ARHGEF26: variants seen among roughly 807,000 people sequenced by gnomAD.
The protein encoded by ARHGEF26 is Rho guanine nucleotide exchange factor (GEF) 26.
Under a neutral mutation model 89.4 loss-of-function variants are expected in ARHGEF26, and 59 were observed. That is an observed-to-expected ratio of 0.66 (90% confidence interval 0.54 to 0.82). ARHGEF26 has a LOEUF of 0.82. ARHGEF26 is among the 40% of genes least tolerant of loss of function. ARHGEF26 has a pLI of 0.00. For synonymous variants in ARHGEF26, 500 were observed against 428.4 expected (o/e 1.17, Z -2.06); for missense variants, 1,234 against 1,085.6 (o/e 1.14, Z -1.92).
Position 154,183,883 on chromosome 3 carries a change from A to T in ARHGEF26, c.1488-3802A>T, listed in dbSNP as rs181052387. On this transcript the variant is annotated intron_variant, in intron 6 of 14. Coordinates refer to ENST00000465093, the MANE Select transcript of ARHGEF26 (RefSeq NM_015595.4). ...ATTCCTTCAGGCTGGTAACAGTGTA[A>T]GCTAAAGACAAATTGTAAGAGCTAC... 3.7e-4 allele frequency among the ~76,000 whole-genome samples: 56 copies of T among 152,330 alleles called. 1 individual carries two copies. In the East Asian group the frequency reaches 9.2e-3, roughly 25 times the overall value.
chr3:154,217,140 C>T (rs1437694222), intron 9 of ARHGEF26, among the ~76,000 whole-genome samples: 8 of 151,696 alleles, frequency 5.3e-5, no homozygotes, highest in African/African-American at 1.9e-4. Context: ...AACTAGTTTA[C>T]AGTCCCACCA....
chr3:154,183,582 C>G (rs1477802516), intron 6 of ARHGEF26, among the ~76,000 whole-genome samples: 1 of 152,086 alleles, frequency 6.6e-6, no homozygotes, highest in African/African-American at 2.4e-5. Flanking sequence ...CTTTCTTGAT[C>G]TTTTTGTAGC....
At chr3:154,132,956 C>G (rs141900215) in intron 4 of ARHGEF26, among the ~76,000 whole-genome samples, 1 of 152,060 alleles carries the variant, frequency 6.6e-6, no homozygotes. Context: ...GGTCTCAGTT[C>G]GGCATATACC....
intron 6 of ARHGEF26, among the ~76,000 whole-genome samples, chr3:154,162,818 T>G (rs1314039657): frequency 6.6e-6 from 1 of 152,000 alleles, no homozygotes; most frequent in African/African-American, 2.4e-5. Context: ...AATAAGATGC[T>G]TGGGAAAGGA....
intron 4 of ARHGEF26, among the ~76,000 whole-genome samples, chr3:154,141,249 GC>G (rs907368213): frequency 6.6e-6 from 1 of 152,184 alleles, no homozygotes; most frequent in Non-Finnish European, 1.5e-5. Flanking sequence ...ATAGGTGAGA[GC>G]CACCGTGCCT....
chr3:154,166,302 G>A (rs1033436977), intron 6 of ARHGEF26, among the ~76,000 whole-genome samples: 10 of 152,212 alleles, frequency 6.6e-5, no homozygotes, highest in Admixed American at 3.3e-4. Flanking sequence ...CGCCCGCCTT[G>A]GCCTCCCAAA....
At chr3:154,132,195 T>C (rs1393317545) in intron 4 of ARHGEF26, among the ~76,000 whole-genome samples, 1 of 152,186 alleles carries the variant, frequency 6.6e-6, no homozygotes, top group Non-Finnish European at 1.5e-5. Flanking sequence ...ATTTTTTTTG[T>C]TATAAAGTGC....
intron 6 of ARHGEF26, among the ~76,000 whole-genome samples, chr3:154,182,270 G>T (rs1041814471): frequency 6.6e-6 from 1 of 152,074 alleles, no homozygotes; most frequent in African/African-American, 2.4e-5. Context: ...TATCCCAGCA[G>T]GTTCAGGGAA....
chr3:154,152,867 A>G lies in ARHGEF26; in HGVS notation c.1422A>G (p.Thr474=), dbSNP rs544361985. 123 of 1,596,324 alleles carry G rather than the reference A, an allele frequency of 7.7e-5. No individual in the cohort carries two copies. In the Middle Eastern group the frequency reaches 8.3e-4, roughly 11 times the overall value. ...MFKNSKELSD[T]MTKTERHHLF... The stretch of plus-strand genomic sequence containing the variant: ...AAAATTCTAAAGAACTGAGTGATAC[A>G]ATGACTAAAACCGAGAGGCACCATC... Residue 474 remains threonine, a synonymous_variant, in exon 6 of 15, where the codon ACA becomes ACG. Transcript: ENST00000465093.
chr3:154,216,502 A>ATTTTTTTT (rs1293834056), intron 9 of ARHGEF26, among the ~76,000 whole-genome samples: 3 of 49,112 alleles, frequency 6.1e-5, no homozygotes, highest in African/African-American at 1.6e-4. Flanking sequence ...ATTTTTTTTT[A>ATTTTTTTT]TTTTTTATTT....
chr3:154,225,925 A>T lies in ARHGEF26; in HGVS notation c.2005A>T (p.Thr669Ser), dbSNP rs369225760. Residue 669 changes from threonine to serine, a missense_variant, in exon 11 of 15, where the codon ACT (threonine) becomes TCT (serine). Transcript: ENST00000465093. ...TGAATTGACAGCCTATGTTGAAGAC[A>T]CTGTGCTTTTCTCAAGAAGGACATC... Reference protein sequence around the residue: ...RGELTAYVEDTVLFSRRTSKQ... With the variant: ...RGELTAYVEDSVLFSRRTSKQ... 1 of 1,613,078 alleles carries T rather than the reference A, an allele frequency of 6.2e-7. No individual in the cohort carries two copies. The highest frequency in any genetic ancestry group is 8.5e-7 in the Non-Finnish European group (1 of 1,179,452).
intron 11 of ARHGEF26, among the ~76,000 whole-genome samples, chr3:154,236,037 A>G (rs955900545): frequency 4.6e-5 from 7 of 152,238 alleles, no homozygotes; most frequent in African/African-American, 9.6e-5. Context: ...AAAGGGCTTC[A>G]TAATAATCTC....
intron 12 of ARHGEF26, among the ~76,000 whole-genome samples, chr3:154,246,243 C>T (rs1295254152): frequency 2.6e-5 from 4 of 152,140 alleles, no homozygotes; most frequent in African/African-American, 9.7e-5. Flanking sequence ...CAGAATGTTT[C>T]AGCCAAAGGG....
chr3:154,193,511 C>T (rs1406584585), intron 8 of ARHGEF26, among the ~76,000 whole-genome samples: 2 of 151,720 alleles, frequency 1.3e-5, no homozygotes, highest in African/African-American at 2.4e-5. Flanking sequence ...CTACTTTCTA[C>T]CTCTGCCTGA....
At chr3:154,229,699 G>A (rs924603188) in intron 11 of ARHGEF26, among the ~76,000 whole-genome samples, 19 of 152,088 alleles carry the variant, frequency 1.2e-4, no homozygotes, top group Admixed American at 4.6e-4. Flanking sequence ...CCCTAGTTGC[G>A]ACAACCAAAA....
intron 4 of ARHGEF26, among the ~76,000 whole-genome samples, chr3:154,139,904 C>G (rs947266081): frequency 8.5e-5 from 13 of 152,132 alleles, no homozygotes; most frequent in African/African-American, 3.1e-4. Context: ...ACTTCTGTAG[C>G]AGGAAGTATT....
At chr3:154,249,701 G>A (rs12491012) in intron 12 of ARHGEF26, among the ~76,000 whole-genome samples, 20,353 of 152,166 alleles carry the variant, frequency 0.13, 1,732 homozygotes, top group East Asian at 0.38. Context: ...GTGAATGTGG[G>A]TAGAGGAAGG....
In ARHGEF26 at chr3:154,253,121, A is replaced by G. The variant is rs1455139623; in HGVS notation, c.2306A>G (p.Glu769Gly). 1.2e-6 allele frequency: 2 copies of G among 1,613,900 alleles called. No individual in the cohort carries two copies. Among genetic ancestry groups the G allele is most frequent in the African/African-American group, 2.7e-5 (2 of 74,934 alleles). The part of the protein sequence containing the change: ...EMLLGAETQS[E>G]RARWITALGH... ...GGATCTGCCCTCTGTTTTAGGAGCG[A>G]GCGAGCCCGCTGGATAACTGCCCTG... Residue 769 changes from glutamate (E) to glycine (G), a missense_variant, in exon 13 of 15, where the codon GAG (glutamate) becomes GGG (glycine). Transcript: ENST00000465093.
chr3:154,167,836 G>A (rs1162341598), intron 6 of ARHGEF26, among the ~76,000 whole-genome samples: 2 of 152,032 alleles, frequency 1.3e-5, no homozygotes, highest in East Asian at 3.9e-4. Context: ...TATACTTCAG[G>A]TTCATTAGAA....
Sources: allele counts gnomAD v4.1 joint callset (sites outside exome capture counted in the v4.1 genomes callset), GRCh38; gene constraint gnomAD v4.1.1; transcripts MANE v1.5; gene names NCBI Gene and HGNC (gene_info 2026-07-23, HGNC 2026-07-21).